The following RAB3IP variants were observed in gnomAD, a reference collection of about 807,000 sequenced individuals.
RAB3IP encodes RAB3A interacting protein, also known as rab-3A-interacting protein.
A neutral mutation model predicts 59.1 loss-of-function variants in RAB3IP; 36 were observed. That is an observed-to-expected ratio of 0.61 (90% CI 0.47 to 0.80). RAB3IP has a LOEUF of 0.80. Ranked by LOEUF, RAB3IP falls within the 30% of genes least tolerant of loss-of-function variation. The pLI is 0.00. For synonymous variants in RAB3IP, 207 were observed against 191.2 expected, an observed-to-expected ratio of 1.08 and a Z score of -0.68; for missense variants, 511 against 536.0, an observed-to-expected ratio of 0.95 and a Z score of 0.46.
chr12:69,807,748 C>T (rs1385805238), intron 8 of RAB3IP, among the ~76,000 whole-genome samples: 1 of 145,566 alleles, frequency 6.9e-6, no homozygotes, highest in Non-Finnish European at 1.5e-5. Flanking sequence ...TGCTCACTTC[C>T]CAGATGGGGC....
At chr12:69,754,342 GGCACACACAC>G (rs1175956068) in intron 1 of RAB3IP, among the ~76,000 whole-genome samples, 11 of 149,968 alleles carry the variant, frequency 7.3e-5, no homozygotes, top group Admixed American at 2.7e-4. Flanking sequence ...CAGATACACG[GGCACACACAC>G]ACACACACAC....
intron 8 of RAB3IP, among the ~76,000 whole-genome samples, chr12:69,803,052 A>T (rs1413043192): frequency 1.3e-5 from 2 of 152,234 alleles, no homozygotes; most frequent in African/African-American, 4.8e-5. Context: ...GTCATGCCTC[A>T]TTTTAAATAT....
At chr12:69,779,704 C>A (rs1191868925) in intron 3 of RAB3IP, among the ~76,000 whole-genome samples, 2 of 148,348 alleles carry the variant, frequency 1.3e-5, no homozygotes, top group Non-Finnish European at 3.0e-5. Flanking sequence ...TTTTTTCCAG[C>A]GTCTCTCTTA....
intron 3 of RAB3IP, among the ~76,000 whole-genome samples, chr12:69,784,193 A>G (rs1049004970): frequency 3.3e-5 from 5 of 152,130 alleles, no homozygotes; most frequent in African/African-American, 7.2e-5. Flanking sequence ...TTGATTTTAA[A>G]TGCAAATATG....
At chr12:69,805,891 C>T (rs1339184280) in intron 8 of RAB3IP, among the ~76,000 whole-genome samples, 34 of 152,102 alleles carry the variant, frequency 2.2e-4, no homozygotes, top group African/African-American at 5.1e-4. Flanking sequence ...TTGCTGGATT[C>T]GGTTTGCCAG....
intron 1 of RAB3IP, among the ~76,000 whole-genome samples, chr12:69,754,235 T>A (rs918748847): frequency 2.0e-5 from 3 of 152,072 alleles, no homozygotes; most frequent in Admixed American, 6.6e-5. Flanking sequence ...GCCTGTTGAT[T>A]AGATGGTAAT....
chr12:69,770,287 C>T (rs888124260), intron 3 of RAB3IP, among the ~76,000 whole-genome samples: 4 of 152,038 alleles, frequency 2.6e-5, no homozygotes, highest in African/African-American at 9.7e-5. Context: ...CCTCCAAATC[C>T]GCCCCCCCAC....
At chr12:69,807,879 C>T (rs11177870) in intron 8 of RAB3IP, among the ~76,000 whole-genome samples, 47,542 of 146,414 alleles carry the variant, frequency 0.32, 7,478 homozygotes, top group Non-Finnish European at 0.36. Flanking sequence ...GGCGGCCGGG[C>T]GGAGACGCTC....
In RAB3IP at chr12:69,760,350, G is replaced by A. The variant is rs879942025; in HGVS notation, c.510+3687G>A. On this transcript the variant is annotated intron_variant, in intron 3 of 10. Coordinates refer to ENST00000247833, the MANE Select transcript of RAB3IP (RefSeq NM_022456.5). ...CAGCAGTACAGTCCAGCTTTGGCTCGGCATCAGAGGGAGACCGTGGAAAGA... is the reference window on the plus strand; with the variant it reads ...CAGCAGTACAGTCCAGCTTTGGCTCAGCATCAGAGGGAGACCGTGGAAAGA... Among the ~76,000 whole-genome samples, 8 of 152,202 alleles carry A rather than the reference G, an allele frequency of 5.3e-5. No homozygotes were observed. The South Asian group carries it at 8.3e-4, about 16-fold the overall frequency.
At chr12:69,741,062 T>G (rs955399522) in intron 1 of RAB3IP, among the ~76,000 whole-genome samples, 3 of 152,258 alleles carry the variant, frequency 2.0e-5, no homozygotes, top group African/African-American at 7.2e-5. Flanking sequence ...AATATTCTGC[T>G]GTTTTTTATG....
intron 1 of RAB3IP, among the ~76,000 whole-genome samples, chr12:69,746,808 CTG>C (rs1479806140): frequency 1.3e-5 from 2 of 152,132 alleles, no homozygotes; most frequent in South Asian, 2.1e-4. Context: ...ATCTCAGAAA[CTG>C]TTTCTTTCAT....
chr12:69,806,231 G>A (rs1316827529), intron 8 of RAB3IP, among the ~76,000 whole-genome samples: 2 of 152,170 alleles, frequency 1.3e-5, no homozygotes, highest in Non-Finnish European at 2.9e-5. Flanking sequence ...TTGGGAGAGT[G>A]TATGTGTCGA....
intron 3 of RAB3IP, among the ~76,000 whole-genome samples, chr12:69,771,814 C>T (rs1466560721): frequency 1.3e-5 from 2 of 152,086 alleles, no homozygotes; most frequent in African/African-American, 4.8e-5. Context: ...TGTTATTTTT[C>T]ATCATTTTGA....
At chr12:69,785,392 A>T (rs1875476643) in intron 4 of RAB3IP, among the ~76,000 whole-genome samples, 1 of 152,110 alleles carries the variant, frequency 6.6e-6, no homozygotes, top group Non-Finnish European at 1.5e-5. Context: ...AGATACAGAG[A>T]GGGAGAGAGA....
intron 4 of RAB3IP, among the ~76,000 whole-genome samples, chr12:69,789,542 C>T (rs1483460469): frequency 2.0e-5 from 3 of 152,100 alleles, no homozygotes; most frequent in African/African-American, 7.2e-5. Context: ...ATTCTTTTTA[C>T]ACTCTTACAA....
chr12:69,738,635 T>G (rs563559414), upstream of RAB3IP: 250 of 151,476 alleles, frequency 1.7e-3, no homozygotes, highest in African/African-American at 5.1e-3. Flanking sequence ...AGAGCGCAGC[T>G]CCGGCTCGCG....
intron 1 of RAB3IP, among the ~76,000 whole-genome samples, chr12:69,741,231 C>T (rs1887306671): frequency 6.6e-6 from 1 of 152,218 alleles, no homozygotes. Flanking sequence ...GTCCTCTGGA[C>T]ATTCCCGGGA....
At chr12:69,758,508 C>T (rs528908724) in intron 3 of RAB3IP, among the ~76,000 whole-genome samples, 1 of 152,228 alleles carries the variant, frequency 6.6e-6, no homozygotes, top group East Asian at 1.9e-4. Flanking sequence ...TCACTCTCTA[C>T]CTTCCGGTGA....
intron 3 of RAB3IP, among the ~76,000 whole-genome samples, chr12:69,765,589 C>T (rs1055293918): frequency 3.3e-5 from 5 of 152,110 alleles, no homozygotes; most frequent in Non-Finnish European, 7.3e-5. Context: ...GGATATTGGC[C>T]TGTGTACTTA....
Sources: gnomAD v4.1 joint callset for allele counts (sites outside exome capture counted in the v4.1 genomes callset) on GRCh38, gnomAD v4.1.1 for gene constraint, MANE v1.5 for transcripts, NCBI Gene and HGNC (gene_info 2026-07-23, HGNC 2026-07-21) for gene names.